The following ACSS1 variants were observed in gnomAD, a reference collection of about 807,000 sequenced individuals.
The protein encoded by ACSS1 is acyl-CoA synthetase short chain family member 1.
In ACSS1, 42 loss-of-function variants were observed where a neutral mutation model predicts 75.3. That is an observed-to-expected ratio of 0.56 (90% CI 0.44 to 0.72). ACSS1 has a LOEUF of 0.72. ACSS1 is among the 30% of genes least tolerant of loss of function. ACSS1 has a pLI of 0.00. For synonymous variants in ACSS1, 380 were observed against 376.8 expected, an observed-to-expected ratio of 1.01 and a Z score of -0.10; for missense variants, 782 against 935.7, an observed-to-expected ratio of 0.84 and a Z score of 2.14.
chr20:25,021,625 T>C, intron 5 of ACSS1, 89 bp from the exon 6 acceptor site: 1 of 1,527,800 alleles, frequency 6.5e-7, no homozygotes, highest in Non-Finnish European at 8.9e-7. Flanking sequence ...ATGCATAGGC[T>C]GCAGTCCATA....
chr20:25,042,805 C>G (rs567185598), intron 2 of ACSS1, among the ~76,000 whole-genome samples: 47 of 152,314 alleles, frequency 3.1e-4, no homozygotes, highest in African/African-American at 1.0e-3. Flanking sequence ...TTCTTCAAAT[C>G]TGAAACCCTT....
At chr20:25,012,998 C>A in intron 10 of ACSS1, 59 bp from the exon 11 acceptor site, 2 of 1,610,658 alleles carry the variant, frequency 1.2e-6, no homozygotes, top group Non-Finnish European at 1.7e-6. Context: ...CATGTCCCAA[C>A]CTCAGTAAGC....
chr20:25,041,379 G>T (rs2089001756), intron 2 of ACSS1, among the ~76,000 whole-genome samples: 1 of 152,190 alleles, frequency 6.6e-6, no homozygotes, highest in Non-Finnish European at 1.5e-5. Flanking sequence ...GTTTAAGATG[G>T]CATGGAGGGT....
intron 2 of ACSS1, among the ~76,000 whole-genome samples, chr20:25,042,769 G>A (rs2089025045): frequency 6.6e-6 from 1 of 152,136 alleles, no homozygotes; most frequent in Non-Finnish European, 1.5e-5. Flanking sequence ...GGCCCCAGCA[G>A]CCATGGGGCC....
intron 2 of ACSS1, among the ~76,000 whole-genome samples, chr20:25,041,853 T>C (rs951883776): frequency 6.6e-6 from 1 of 152,218 alleles, no homozygotes; most frequent in Non-Finnish European, 1.5e-5. Flanking sequence ...TGAACAGCTG[T>C]GGTGGCCAAA....
Position 25,013,553 on chromosome 20 carries a change from T to C in ACSS1, c.1562A>G (p.Tyr521Cys). Residue 521 changes from tyrosine to cysteine, a missense_variant, in exon 10 of 14, where the codon TAC (tyrosine) becomes TGC (cysteine). Tyr to Cys is a radical substitution (Grantham distance 194). Around this residue, in one of 2 missense-constraint regions of ACSS1, gnomAD observed 405 missense variants for 552.6 expected, o/e 0.73. Coordinates refer to ENST00000323482, the MANE Select transcript of ACSS1 (RefSeq NM_032501.4). ...YGDHQRFVDA[Y>C]FKAYPGYYFT... ...CTGCTCACCTGGGTAGGCCTTGAAG[T>C]AGGCGTCCACAAATCGCTGGTGGTC... 6.2e-7 allele frequency: 1 copy of C among 1,601,206 alleles called. No homozygotes were observed. Among genetic ancestry groups the C allele is most frequent in the South Asian group, 1.1e-5 (1 of 90,762 alleles).
rs1286214866 is a variant in ACSS1 at position 25,020,026 on chromosome 20, C to G, written c.1230G>C (p.Leu410=). 1 of 1,614,184 alleles carries G rather than the reference C, an allele frequency of 6.2e-7. No homozygotes were observed. The highest frequency in any genetic ancestry group is 1.1e-5 in the South Asian group (1 of 91,092). ...GCCGCTCACCTGACCCCAGGGTCCG[C>G]AGGGAGGAGCGATCATACTTCTTCA... ...AWVKKYDRSS[L]RTLGSVGEPI... The change falls in exon 7 of 14, where the codon CTG becomes CTC. Residue 410 remains leucine (L), a synonymous_variant. Coordinates refer to ENST00000323482, the MANE Select transcript of ACSS1 (RefSeq NM_032501.4).
chr20:25,012,116 A>G (rs994165829), intron 12 of ACSS1: 1 of 167,264 alleles, frequency 6.0e-6, no homozygotes, highest in Non-Finnish European at 1.3e-5. Flanking sequence ...AGTGGGAACC[A>G]CAGGTCAGAT....
chr20:25,040,484 G>A (rs553328950), intron 2 of ACSS1, among the ~76,000 whole-genome samples: 2 of 152,212 alleles, frequency 1.3e-5, no homozygotes, highest in East Asian at 3.8e-4. Flanking sequence ...CGGGCCCAGC[G>A]ACTTTCCTTG....
chr20:25,015,618 GA>G (rs2088503716), intron 7 of ACSS1, among the ~76,000 whole-genome samples: 1 of 152,154 alleles, frequency 6.6e-6, no homozygotes, highest in Admixed American at 6.5e-5. Context: ...TTTTTAAGGA[GA>G]AAACAGCTCC....
At chr20:25,015,339 C>G in intron 7 of ACSS1, 109 bp from the exon 8 acceptor site, 1 of 842,074 alleles carries the variant, frequency 1.2e-6, no homozygotes, top group Non-Finnish European at 1.8e-6. Context: ...GAGACTGAGT[C>G]TCACTCTGTC....
rs1184151870 is a variant in ACSS1 at position 25,014,090 on chromosome 20, AAAG to A, written c.1340-20_1340-18del. ...CACCTGTTTCTGCAGGTATGACAAG[AAAG>A]AAATGCATAATCGGCCCCGGACCCA... On this transcript the variant is annotated intron_variant, in intron 8 of 13. Coordinates refer to ENST00000323482, the MANE Select transcript of ACSS1 (RefSeq NM_032501.4). 1 of 1,585,482 alleles carries A rather than the reference AAAG, an allele frequency of 6.3e-7. No individual in the cohort carries two copies. The highest frequency in any genetic ancestry group is 8.6e-7 in the Non-Finnish European group (1 of 1,164,948).
At position 25,058,030 on chromosome 20, in the gene ACSS1, C is replaced by T. The variant is rs1168662563; in HGVS notation, c.73G>A (p.Ala25Thr). ...GSLRGLSGQP[A>T]RPPCGVSAPR... ...GCGCTCACCCCGCACGGCGGCCGCG[C>T]GGGCTGCCCCGAGAGCCCTCGCAGG... Residue 25 changes from alanine to threonine, a missense_variant, in exon 1 of 14, where the codon GCG becomes ACG. Ala to Thr is a moderately conservative substitution (Grantham distance 58). Around this residue, in one of 2 missense-constraint regions of ACSS1, gnomAD observed 377 missense variants for 383.1 expected, o/e 0.98. Transcript: ENST00000323482. 4 of 1,372,928 alleles carry T rather than the reference C, an allele frequency of 2.9e-6. No homozygotes were observed. The highest frequency in any genetic ancestry group is 1.5e-5 in the African/African-American group (1 of 65,246). The allele number at this position is 1,372,928 out of a possible 1,614,324, so 85.0% of individuals were successfully genotyped here.
At chr20:25,043,913 C>T (rs2089044262) in intron 2 of ACSS1, among the ~76,000 whole-genome samples, 1 of 152,228 alleles carries the variant, frequency 6.6e-6, no homozygotes, top group South Asian at 2.1e-4. Context: ...GGTCCTCTGG[C>T]TTAAGATGCT....
chr20:25,050,390 TC>T (rs1385049098), intron 1 of ACSS1, among the ~76,000 whole-genome samples: 1 of 150,782 alleles, frequency 6.6e-6, no homozygotes, highest in Non-Finnish European at 1.5e-5. Flanking sequence ...GCACCCACCA[TC>T]CCCCCCGGGA....
In ACSS1 at chr20:25,016,632, C is replaced by T. The variant is rs570736667; in HGVS notation, c.1247-1402G>A. Among the ~76,000 whole-genome samples the T allele has an allele frequency of 5.3e-5, 8 of 152,356 alleles. No individual in the cohort carries two copies. The South Asian group carries it at 1.4e-3, about 28-fold the overall frequency. ...ATCAGTGCTGGCCACATTGGCAGCT[C>T]AGTGTCTTGTGTGTCACACCTGCAC... On this transcript the variant is annotated intron_variant, in intron 7 of 13. Coordinates refer to ENST00000323482, the MANE Select transcript of ACSS1 (RefSeq NM_032501.4).
In ACSS1 at chr20:25,032,535, C is replaced by T. The variant is rs188981896; in HGVS notation, c.432-1577G>A. On this transcript the variant is annotated intron_variant, in intron 2 of 13. Transcript: ENST00000323482. ...TGCAATAAAAAGAGCTAACACAGAA[C>T]GAAGAATGAGGGGAAGCCAAGGCCC... 6.1e-4 allele frequency: 765 copies of T among 1,252,386 alleles called. 3 individuals are homozygous for T. The African/African-American group carries it at 9.4e-3, about 15-fold the overall frequency. The allele number at this position is 1,252,386 out of a possible 1,614,324, so 77.6% of individuals were successfully genotyped here. A position where few individuals can be genotyped will look rare whatever the true frequency, so the allele number is the denominator to read the frequency against.
intron 7 of ACSS1, among the ~76,000 whole-genome samples, chr20:25,018,420 A>G (rs1000693713): frequency 6.6e-6 from 1 of 152,216 alleles, no homozygotes; most frequent in South Asian, 2.1e-4. Flanking sequence ...AAGATTCACC[A>G]TCTAGAAAGG....
intron 7 of ACSS1, 140 bp downstream of exon 7, chr20:25,019,870 T>C (rs2088587001): frequency 2.4e-6 from 3 of 1,275,900 alleles, no homozygotes; most frequent in Non-Finnish European, 3.2e-6. Flanking sequence ...TGGTGCTTTC[T>C]ACCAGATCCG....
Sources: gnomAD v4.1 joint callset for allele counts (sites outside exome capture counted in the v4.1 genomes callset) on GRCh38, gnomAD v4.1.1 for gene constraint, gnomAD v4.1.1 regional missense constraint, MANE v1.5 for transcripts, NCBI Gene and HGNC (gene_info 2026-07-23, HGNC 2026-07-21) for gene names.